ADGRL4: variants seen among roughly 807,000 people sequenced by gnomAD.
ADGRL4 encodes the protein EGF, latrophilin and seven transmembrane domain containing 1.
ADGRL4 carries 90 observed loss-of-function variants against 74.8 expected under a neutral mutation model. The ratio of observed to expected loss-of-function variants is 1.20; its 90% confidence interval spans 1.02 to 1.43. The LOEUF (loss-of-function observed/expected upper bound fraction) is 1.43, where lower values mean the gene tolerates loss of function less well. Among genes scored for constraint, ADGRL4 ranks in the 40% most tolerant of loss-of-function variants. The pLI is 0.00. For synonymous variants in ADGRL4, 311 were observed against 279.2 expected (o/e 1.11, Z -1.14); for missense variants, 881 against 814.3 (o/e 1.08, Z -1.00).
At chr1:78,925,285 C>T (rs1649087864) in intron 8 of ADGRL4, among the ~76,000 whole-genome samples, 1 of 152,036 alleles carries the variant, frequency 6.6e-6, no homozygotes, top group Non-Finnish European at 1.5e-5. Flanking sequence ...TCAGTTTCCT[C>T]ATCTATAAAA....
At chr1:78,948,601 A>G (rs1365021316) in intron 2 of ADGRL4, among the ~76,000 whole-genome samples, 7 of 152,116 alleles carry the variant, frequency 4.6e-5, no homozygotes. Flanking sequence ...GGAAGAGTTA[A>G]TACTTTATTA....
intron 4 of ADGRL4, 136 bp downstream of exon 4, chr1:78,939,052 A>T (rs1262489235): frequency 5.3e-6 from 6 of 1,126,452 alleles, no homozygotes; most frequent in Non-Finnish European, 6.9e-6. Context: ...TGATGCTTAG[A>T]TCTCTATATG....
chr1:78,968,214 T>C (rs1278047877), intron 2 of ADGRL4, among the ~76,000 whole-genome samples: 2 of 152,086 alleles, frequency 1.3e-5, no homozygotes, highest in African/African-American at 2.4e-5. Flanking sequence ...CAAACTTTTT[T>C]GTCAATTGTG....
At chr1:78,945,177 A>AAAAAAAAATAT (rs376405445) in intron 3 of ADGRL4, among the ~76,000 whole-genome samples, 1 of 127,924 alleles carries the variant, frequency 7.8e-6, no homozygotes, top group African/African-American at 2.9e-5. Flanking sequence ...AAAAAAAAAA[A>AAAAAAAAATAT]ATATATATAT....
In ADGRL4 at chr1:78,987,796, T is replaced by G. The variant is rs565949643; in HGVS notation, c.172+17274A>C. On this transcript the variant is annotated intron_variant, in intron 2 of 14. Transcript: ENST00000370742. ...CATTTTCCAAGACAGGCCACATTTATTTGCCCTTTTGTCCTTACCCCTGAA... is the reference window on the plus strand; with the variant it reads ...CATTTTCCAAGACAGGCCACATTTAGTTGCCCTTTTGTCCTTACCCCTGAA... 7.2e-5 allele frequency among the ~76,000 whole-genome samples: 11 copies of G among 151,884 alleles called. No individual in the cohort carries two copies. In the South Asian group the frequency reaches 2.3e-3, roughly 31 times the overall value.
intron 2 of ADGRL4, among the ~76,000 whole-genome samples, chr1:78,986,619 A>C (rs1446786166): frequency 6.6e-6 from 1 of 151,714 alleles, no homozygotes; most frequent in Non-Finnish European, 1.5e-5. Flanking sequence ...TCAATAAATA[A>C]ATAAATAAAT....
chr1:78,968,337 G>T (rs1650097830), intron 2 of ADGRL4, among the ~76,000 whole-genome samples: 1 of 152,038 alleles, frequency 6.6e-6, no homozygotes, highest in East Asian at 1.9e-4. Context: ...TGCAGTAATA[G>T]ATCAGGCTGG....
At chr1:78,923,312 C>CA (rs142901416) in intron 8 of ADGRL4, among the ~76,000 whole-genome samples, 1,953 of 152,146 alleles carry the variant, frequency 0.013, 44 homozygotes, top group African/African-American at 0.045. Flanking sequence ...CTAATCCTTT[C>CA]ACCAGACTTC....
intron 12 of ADGRL4, among the ~76,000 whole-genome samples, chr1:78,909,577 G>C (rs1337210079): frequency 6.6e-6 from 1 of 151,808 alleles, no homozygotes; most frequent in African/African-American, 2.4e-5. Context: ...TGGAATCCTA[G>C]TTTATCACAA....
At chr1:78,940,764 C>T (rs1649458644) in intron 3 of ADGRL4, among the ~76,000 whole-genome samples, 1 of 152,130 alleles carries the variant, frequency 6.6e-6, no homozygotes, top group African/African-American at 2.4e-5. Flanking sequence ...TAACCAAAGT[C>T]TAATTTAAAA....
chr1:78,972,860 A>G (rs1039017377), intron 2 of ADGRL4, among the ~76,000 whole-genome samples: 1 of 152,184 alleles, frequency 6.6e-6, no homozygotes, highest in Non-Finnish European at 1.5e-5. Flanking sequence ...TTGTTGCTGC[A>G]TATCCCAGTC....
At chr1:78,917,596 C>CT (rs1557496535) in intron 12 of ADGRL4, 38 bp downstream of exon 12, 1 of 1,389,086 alleles carries the variant, frequency 7.2e-7, no homozygotes, top group Non-Finnish European at 9.8e-7. Context: ...ATGATCATCA[C>CT]TTTTTTGAAT....
intron 7 of ADGRL4, among the ~76,000 whole-genome samples, chr1:78,928,319 T>C (rs974079767): frequency 2.6e-5 from 4 of 151,528 alleles, no homozygotes; most frequent in Non-Finnish European, 4.4e-5. Context: ...AAATATATTA[T>C]CTCAGTATTT....
intron 2 of ADGRL4, among the ~76,000 whole-genome samples, chr1:78,971,487 C>T (rs2100717721): frequency 6.6e-6 from 1 of 152,188 alleles, no homozygotes; most frequent in South Asian, 2.1e-4. Context: ...CCTGGCCTCT[C>T]TCCCCTGTTC....
intron 14 of ADGRL4, 99 bp from the exon 15 acceptor site, chr1:78,891,315 A>C (rs578258210): frequency 7.5e-7 from 1 of 1,339,116 alleles, no homozygotes; most frequent in South Asian, 1.4e-5. Context: ...GGTTTTCTAA[A>C]GTATTATAGC....
At chr1:78,971,363 G>T (rs1176351249) in intron 2 of ADGRL4, among the ~76,000 whole-genome samples, 3 of 152,082 alleles carry the variant, frequency 2.0e-5, no homozygotes, top group Non-Finnish European at 4.4e-5. Flanking sequence ...GTGTCATGTT[G>T]GTAGAGAGGG....
At position 78,890,908 on chromosome 1, in the gene ADGRL4, C is replaced by T. The variant is rs546826399; in HGVS notation, c.*246G>A. The T allele has an allele frequency of 1.4e-4, 64 of 470,076 alleles. No individual in the cohort carries two copies. Among genetic ancestry groups the T allele is most frequent in the Non-Finnish European group, 2.3e-4 (60 of 258,864 alleles). The allele number at this position is 470,076 out of a possible 1,614,324, so 29.1% of individuals were successfully genotyped here. A position where few individuals can be genotyped will look rare whatever the true frequency, so the allele number is the denominator to read the frequency against. On this transcript the variant is annotated 3_prime_UTR_variant, in exon 15 of 15. Coordinates refer to ENST00000370742, the MANE Select transcript of ADGRL4 (RefSeq NM_022159.4). ...TCACTCCTGAGAAACCAATTACTTTCCAAATATCTGCAATACTATTTTTGA... is the reference window on the plus strand; with the variant it reads ...TCACTCCTGAGAAACCAATTACTTTTCAAATATCTGCAATACTATTTTTGA...
chr1:78,919,049 G>A (rs1648942847), intron 10 of ADGRL4, among the ~76,000 whole-genome samples: 1 of 151,914 alleles, frequency 6.6e-6, no homozygotes, highest in African/African-American at 2.4e-5. Flanking sequence ...ACATAAAATT[G>A]AAAAGTGTTA....
At chr1:78,911,184 C>A (rs910152010) in intron 12 of ADGRL4, among the ~76,000 whole-genome samples, 1 of 151,782 alleles carries the variant, frequency 6.6e-6, no homozygotes, top group Non-Finnish European at 1.5e-5. Flanking sequence ...AATTCTTACT[C>A]TAGAAGTCCT....
Sources: gnomAD v4.1 joint callset for allele counts (sites outside exome capture counted in the v4.1 genomes callset) on GRCh38, gnomAD v4.1.1 for gene constraint, MANE v1.5 for transcripts, NCBI Gene and HGNC (gene_info 2026-07-23, HGNC 2026-07-21) for gene names.